Variants in SLC2A9 observed in about 807,000 individuals in gnomAD.
The protein encoded by SLC2A9 is solute carrier family 2 member 9.
In SLC2A9, 39 loss-of-function variants were observed where a neutral mutation model predicts 50.6. The observed-to-expected ratio is 0.77, with a 90% CI of 0.60 to 1.01. SLC2A9 has a LOEUF of 1.01. SLC2A9 is among the 50% of genes least tolerant of loss of function. The pLI, the probability that SLC2A9 is intolerant of heterozygous loss-of-function variation, is 0.00. For synonymous variants in SLC2A9, 324 were observed against 276.9 expected (o/e 1.17, Z -1.69); for missense variants, 686 against 677.6 (o/e 1.01, Z -0.14).
At chr4:9,996,065 A>G (rs978433614) in intron 3 of SLC2A9, 1 of 153,218 alleles carries the variant, frequency 6.5e-6, no homozygotes. Context: ...CCTGTCTAAA[A>G]TAAGTGAGGA....
downstream of SLC2A9, among the ~76,000 whole-genome samples, chr4:9,775,755 G>A (rs1163595068): frequency 6.6e-6 from 1 of 152,120 alleles, no homozygotes; most frequent in Admixed American, 6.5e-5. Context: ...CATGCTTCTT[G>A]TAAAGCCCGC....
chr4:9,872,016 G>A (rs1733523391), intron 10 of SLC2A9, among the ~76,000 whole-genome samples: 1 of 152,158 alleles, frequency 6.6e-6, no homozygotes, highest in Non-Finnish European at 1.5e-5. Flanking sequence ...TGGAAATGCT[G>A]TCCCTAGGCC....
chr4:9,861,502 T>C (rs941024847), intron 10 of SLC2A9, among the ~76,000 whole-genome samples: 4 of 152,154 alleles, frequency 2.6e-5, no homozygotes, highest in African/African-American at 9.7e-5. Context: ...CCAAACCATA[T>C]AATTACATTA....
chr4:9,834,847 A>G, intron 11 of SLC2A9, 34 bp downstream of exon 11: 2 of 1,613,966 alleles, frequency 1.2e-6, no homozygotes, highest in Non-Finnish European at 1.7e-6. Context: ...ATCAAAGGGA[A>G]CCCCATGGGC....
At chr4:9,967,620 T>C (rs2108983245) in intron 5 of SLC2A9, among the ~76,000 whole-genome samples, 1 of 151,872 alleles carries the variant, frequency 6.6e-6, no homozygotes, top group Admixed American at 6.5e-5. Flanking sequence ...AAAAGTTGTG[T>C]CAAAATATGG....
intron 6 of SLC2A9, among the ~76,000 whole-genome samples, chr4:9,938,866 A>G (rs1242984730): frequency 6.6e-6 from 1 of 152,164 alleles, no homozygotes; most frequent in Admixed American, 6.5e-5. Flanking sequence ...GCATAAATAA[A>G]TAAGACCCAG....
intron 10 of SLC2A9, among the ~76,000 whole-genome samples, chr4:9,882,836 A>G (rs1735473542): frequency 6.6e-6 from 1 of 152,106 alleles, no homozygotes; most frequent in African/African-American, 2.4e-5. Context: ...TCCATTCTCC[A>G]CATAAACTTC....
At chr4:9,920,811 G>C (rs912493323) in intron 6 of SLC2A9, among the ~76,000 whole-genome samples, 5 of 152,196 alleles carry the variant, frequency 3.3e-5, no homozygotes, top group Non-Finnish European at 7.3e-5. Flanking sequence ...GAAAAGCTGA[G>C]AACGTGGGTC....
At chr4:9,949,229 A>T (rs1210608061) in intron 5 of SLC2A9, among the ~76,000 whole-genome samples, 3 of 152,054 alleles carry the variant, frequency 2.0e-5, no homozygotes, top group African/African-American at 7.2e-5. Flanking sequence ...TTGTTCCTTT[A>T]TTTATCTGCC....
At chr4:9,908,745 G>T (rs1205625702) in intron 7 of SLC2A9, among the ~76,000 whole-genome samples, 4 of 152,004 alleles carry the variant, frequency 2.6e-5, no homozygotes, top group Non-Finnish European at 4.4e-5. Context: ...ATGTTCTCCT[G>T]CATTACTGGG....
intron 8 of SLC2A9, among the ~76,000 whole-genome samples, chr4:9,900,439 G>A (rs982072420): frequency 6.6e-6 from 1 of 151,872 alleles, no homozygotes; most frequent in African/African-American, 2.4e-5. Context: ...CAAAAATAGA[G>A]CTACTTACTT....
chr4:9,817,652 C>G (rs766551192), intron 3 of SLC2A9, among the ~76,000 whole-genome samples: 9 of 152,162 alleles, frequency 5.9e-5, no homozygotes, highest in African/African-American at 2.2e-4. Flanking sequence ...ATGTCCACTC[C>G]GAGTCCTTTT....
upstream of SLC2A9, among the ~76,000 whole-genome samples, chr4:10,024,727 C>T (rs1763696321): frequency 6.6e-6 from 1 of 152,220 alleles, no homozygotes; most frequent in Non-Finnish European, 1.5e-5. Context: ...GGCATCACTT[C>T]TGGAACTGAC....
At chr4:9,987,710 A>G (rs904534309) in intron 3 of SLC2A9, among the ~76,000 whole-genome samples, 2 of 152,002 alleles carry the variant, frequency 1.3e-5, no homozygotes, top group African/African-American at 2.4e-5. Context: ...TTTTCTCTAA[A>G]CCAGCCTCTC....
intron 3 of SLC2A9, among the ~76,000 whole-genome samples, chr4:9,785,383 C>A (rs1719088704): frequency 6.6e-6 from 1 of 152,224 alleles, no homozygotes; most frequent in African/African-American, 2.4e-5. Context: ...ATGCATCCTC[C>A]AGTGGGAGAA....
intron 1 of SLC2A9, among the ~76,000 whole-genome samples, chr4:10,019,810 G>A (rs1172427260): frequency 5.3e-5 from 8 of 152,256 alleles, no homozygotes; most frequent in Non-Finnish European, 1.0e-4. Flanking sequence ...ACAGAGAACA[G>A]GGCGCCTGCC....
chr4:9,905,894 C>G (rs1049064971), intron 8 of SLC2A9, among the ~76,000 whole-genome samples: 3 of 152,140 alleles, frequency 2.0e-5, no homozygotes, highest in African/African-American at 7.2e-5. Context: ...GGGTTCTGAG[C>G]CAGCTGACTG....
At chr4:9,931,847 C>A (rs373616169) in intron 6 of SLC2A9, among the ~76,000 whole-genome samples, 3 of 148,928 alleles carry the variant, frequency 2.0e-5, no homozygotes, top group South Asian at 4.3e-4. Context: ...CGACTCACTA[C>A]CACTTGAGTT....
chr4:9,958,905 T>A lies in SLC2A9; in HGVS notation c.682-16860A>T, dbSNP rs146076831. Among the ~76,000 whole-genome samples, 45 of 152,202 alleles carry A rather than the reference T, an allele frequency of 3.0e-4. 2 individuals are homozygous for A. In the South Asian group the frequency reaches 7.7e-3, roughly 26 times the overall value. ...GAATTTGAAAAAAATTAATTGTAGG[T>A]AGTTAGAAAACTAAGCAAATAAGAA... On this transcript the variant is annotated intron_variant, in intron 5 of 11. Coordinates refer to ENST00000264784, the MANE Select transcript of SLC2A9 (RefSeq NM_020041.3).
Sources: gnomAD v4.1 joint callset for allele counts (sites outside exome capture counted in the v4.1 genomes callset) on GRCh38, gnomAD v4.1.1 for gene constraint, MANE v1.5 for transcripts, NCBI Gene and HGNC (gene_info 2026-07-23, HGNC 2026-07-21) for gene names.